The following COX10 variants were observed in gnomAD, a reference collection of about 807,000 sequenced individuals.
The protein encoded by COX10 is protoheme IX farnesyltransferase, mitochondrial.
A neutral mutation model predicts 37.3 loss-of-function variants in COX10; 27 were observed. The ratio of observed to expected loss-of-function variants is 0.72; its 90% CI spans 0.53 to 1.00. The LOEUF is 1.00. Among genes scored for constraint, COX10 ranks in the 50% least tolerant of loss-of-function variants. COX10 has a pLI of 0.00. For synonymous variants in COX10, 222 were observed against 229.1 expected, an observed-to-expected ratio of 0.97 and a Z score of 0.28; for missense variants, 475 against 563.2, an observed-to-expected ratio of 0.84 and a Z score of 1.59.
chr17:14,161,539 G>A (rs1905170094), intron 5 of COX10, among the ~76,000 whole-genome samples: 1 of 152,214 alleles, frequency 6.6e-6, no homozygotes, highest in Admixed American at 6.5e-5. Context: ...GTGTGTCTGT[G>A]AGGGTGTTTC....
chr17:14,200,775 G>T (rs2142268818), intron 6 of COX10, among the ~76,000 whole-genome samples: 1 of 152,332 alleles, frequency 6.6e-6, no homozygotes. Flanking sequence ...TGTGTACAAA[G>T]ATTGTGCAGG....
At chr17:14,108,773 TA>T in intron 4 of COX10, among the ~76,000 whole-genome samples, 1 of 149,628 alleles carries the variant, frequency 6.7e-6, no homozygotes, top group Non-Finnish European at 1.5e-5. Context: ...GAAAAACAGG[TA>T]AAGATTTTTT....
chr17:14,194,457 C>G (rs62052072), intron 6 of COX10, among the ~76,000 whole-genome samples: 20,807 of 152,192 alleles, frequency 0.14, 1,978 homozygotes, highest in East Asian at 0.39. Flanking sequence ...GATGGCGTCT[C>G]GCTCTGTCGC....
At chr17:14,114,470 G>T (rs957580444) in intron 4 of COX10, among the ~76,000 whole-genome samples, 1 of 151,996 alleles carries the variant, frequency 6.6e-6, no homozygotes, top group African/African-American at 2.4e-5. Flanking sequence ...CATTCTAAAT[G>T]TCAGTATAGG....
intron 4 of COX10, among the ~76,000 whole-genome samples, chr17:14,149,071 G>A (rs6502337): frequency 0.99 from 147,887 of 149,820 alleles, 73,015 homozygotes; most frequent in Middle Eastern, 1. Flanking sequence ...GTATAATAAG[G>A]AAGCACAAAC....
At chr17:14,200,015 C>A (rs918584509) in intron 6 of COX10, among the ~76,000 whole-genome samples, 5 of 152,158 alleles carry the variant, frequency 3.3e-5, no homozygotes, top group African/African-American at 1.2e-4. Context: ...CCTCCCAAAC[C>A]CAGCACCAAG....
At chr17:14,146,317 G>A (rs1476460121) in intron 4 of COX10, among the ~76,000 whole-genome samples, 1 of 152,060 alleles carries the variant, frequency 6.6e-6, no homozygotes, top group Admixed American at 6.6e-5. Context: ...CAATGGAACA[G>A]AATAGAGAAC....
At chr17:14,151,381 G>T (rs1904887091) in intron 4 of COX10, among the ~76,000 whole-genome samples, 2 of 152,054 alleles carry the variant, frequency 1.3e-5, no homozygotes, top group African/African-American at 4.8e-5. Flanking sequence ...AGCATTCATG[G>T]GAGTCAGATG....
chr17:14,160,060 C>A, intron 5 of COX10, 113 bp downstream of exon 5: 1 of 910,676 alleles, frequency 1.1e-6, no homozygotes. Flanking sequence ...AAAATACCCA[C>A]AAAGAAACAA....
chr17:14,091,320 G>A (rs988184233), intron 3 of COX10, among the ~76,000 whole-genome samples: 2 of 152,178 alleles, frequency 1.3e-5, no homozygotes, highest in African/African-American at 4.8e-5. Flanking sequence ...GCTTTGTCCT[G>A]TTATCAGTGA....
chr17:14,153,943 C>T (rs536496746), intron 4 of COX10, among the ~76,000 whole-genome samples: 139 of 152,134 alleles, frequency 9.1e-4, no homozygotes, highest in Non-Finnish European at 1.4e-3. Flanking sequence ...TATTACTCAG[C>T]GATAAAAAGG....
intron 4 of COX10, among the ~76,000 whole-genome samples, chr17:14,142,265 A>G (rs1335320467): frequency 6.6e-6 from 1 of 152,204 alleles, no homozygotes; most frequent in Non-Finnish European, 1.5e-5. Flanking sequence ...GCTACTTTAC[A>G]CAGATAGTTG....
intron 4 of COX10, among the ~76,000 whole-genome samples, chr17:14,132,338 C>T (rs1916485447): frequency 6.6e-6 from 1 of 151,834 alleles, no homozygotes; most frequent in African/African-American, 2.4e-5. Context: ...GAATCCGTGT[C>T]GATGGTCAAA....
chr17:14,122,992 CG>C (rs1168893622), intron 4 of COX10, among the ~76,000 whole-genome samples: 3 of 152,138 alleles, frequency 2.0e-5, no homozygotes, highest in Non-Finnish European at 2.9e-5. Flanking sequence ...AGCACCAAAG[CG>C]GATGTGTCAG....
intron 6 of COX10, among the ~76,000 whole-genome samples, chr17:14,201,046 A>G (rs1906528635): frequency 6.6e-6 from 1 of 152,178 alleles, no homozygotes; most frequent in Non-Finnish European, 1.5e-5. Context: ...GACTGTGCCT[A>G]TCTCTAGGGG....
intron 4 of COX10, among the ~76,000 whole-genome samples, chr17:14,147,077 G>GA (rs1375980535): frequency 3.3e-5 from 5 of 152,222 alleles, no homozygotes; most frequent in African/African-American, 1.2e-4. Context: ...CCAATATGGA[G>GA]AACAGTTTGG....
intron 4 of COX10, among the ~76,000 whole-genome samples, chr17:14,127,550 T>G (rs1916369894): frequency 6.6e-6 from 1 of 152,294 alleles, no homozygotes; most frequent in East Asian, 1.9e-4. Flanking sequence ...ATACAAAAAT[T>G]CAAGTGCAGT....
Position 14,076,721 on chromosome 17 carries a change from G to GTTTAGTATGT in COX10, c.178-14_178-13insTTTAGTATGT. The GTTTAGTATGT allele has an allele frequency of 6.2e-7, 1 of 1,613,958 alleles. No homozygotes were observed. Among genetic ancestry groups the GTTTAGTATGT allele is most frequent in the Non-Finnish European group, 8.5e-7 (1 of 1,179,944 alleles). Reference sequence around the variant, plus strand: ...GGGCCTTGGTTTTATAGTAATGTGTGCTTTTTTGTTTAGTATGTCACACAG... The same window carrying GTTTAGTATGT: ...GGGCCTTGGTTTTATAGTAATGTGTGTTTAGTATGTCTTTTTTGTTTAGTATGTCACACAG... On this transcript the variant is annotated splice_polypyrimidine_tract_variant and intron_variant, in intron 2 of 6. Transcript: ENST00000261643.
chr17:14,111,321 A>C (rs748575219), intron 4 of COX10, among the ~76,000 whole-genome samples: 23 of 152,178 alleles, frequency 1.5e-4, no homozygotes, highest in African/African-American at 5.5e-4. Flanking sequence ...TTCAGATCCT[A>C]TGCCAGATTT....
Sources: allele counts gnomAD v4.1 joint callset (sites outside exome capture counted in the v4.1 genomes callset), GRCh38; gene constraint gnomAD v4.1.1; transcripts MANE v1.5; gene names NCBI Gene and HGNC (gene_info 2026-07-23, HGNC 2026-07-21).